Variants in CFAP46 observed in about 807,000 individuals in gnomAD.
CFAP46 encodes the protein cilia- and flagella-associated protein 46.
Under a neutral mutation model 325.7 loss-of-function variants are expected in CFAP46, and 245 were observed. The observed-to-expected ratio is 0.75, with a 90% CI of 0.68 to 0.84. The LOEUF is 0.84. Ranked by LOEUF, CFAP46 falls within the 40% of genes least tolerant of loss-of-function variation. CFAP46 has a pLI of 0.00. For missense variants in CFAP46, 3,346 were observed against 3,543.0 expected, an observed-to-expected ratio of 0.94 and a Z score of 1.41; for synonymous variants, 1,523 against 1,495.9, an observed-to-expected ratio of 1.02 and a Z score of -0.42.
chr10:132,931,980 A>G (rs1201856600), intron 8 of CFAP46, among the ~76,000 whole-genome samples: 1 of 138,976 alleles, frequency 7.2e-6, no homozygotes, highest in Non-Finnish European at 1.5e-5. Flanking sequence ...TTGTCGCCAC[A>G]CAGAGCCTGG....
rs983416910 is a variant in CFAP46, at chr10:132,836,977, T to C, written c.6439-63A>G. 8 of 1,250,462 alleles carry C rather than the reference T, an allele frequency of 6.4e-6. No individual in the cohort carries two copies. The Admixed American group carries it at 6.8e-5, about 11-fold the overall frequency. The allele number at this position is 1,250,462 out of a possible 1,614,324, so 77.5% of individuals were successfully genotyped here. A position where few individuals can be genotyped will look rare whatever the true frequency, so the allele number is the denominator to read the frequency against. On this transcript the variant is annotated intron_variant, in intron 44 of 57. Coordinates refer to ENST00000368586, the MANE Select transcript of CFAP46 (RefSeq NM_001200049.3). ...GGACGCAAGGACGTCGCTGTGCTGT[T>C]CCCCTCATTTCCAGGAGACCTCGTG... is the stretch of plus-strand genomic sequence containing the variant.
In CFAP46 at chr10:132,808,578, G is replaced by C. The variant is rs140070146; in HGVS notation, c.7991C>G (p.Ser2664Trp). Residue 2664 changes from serine (S) to tryptophan (W), a missense_variant, in exon 58 of 58, where the codon TCG becomes TGG. Transcript: ENST00000368586. This position sits in a 1 kb window ranked among gnomAD's most constrained non-coding sequence, Gnocchi z 6.8. ...ATSRKAAAWTSSSACLCAPWG... is the reference protein window; with the variant it reads ...ATSRKAAAWTWSSACLCAPWG... ...TGGCGCACACAGGCAGGCAGAGCTC[G>C]AGGTCCAGGCGGCTGCCTTGCGGGA... The C allele has an allele frequency of 1.1e-5, 17 of 1,612,696 alleles. No homozygotes were observed. Among genetic ancestry groups the C allele is most frequent in the East Asian group, 6.7e-5 (3 of 44,888 alleles).
At chr10:132,868,782 C>T (rs968558183) in intron 33 of CFAP46, among the ~76,000 whole-genome samples, 5 of 152,170 alleles carry the variant, frequency 3.3e-5, no homozygotes, top group African/African-American at 7.2e-5. Flanking sequence ...AAAACAGAAC[C>T]GTATACAATC....
intron 54 of CFAP46, among the ~76,000 whole-genome samples, chr10:132,813,230 C>G (rs1847617476): frequency 1.3e-5 from 2 of 152,054 alleles, no homozygotes; most frequent in Admixed American, 1.3e-4. Context: ...CCCCAGTACT[C>G]CAGGCATGGG....
rs1182720380 is a variant in CFAP46, at chr10:132,857,708, A to G, written c.5456T>C (p.Val1819Ala). The change falls in exon 39 of 58, where the codon GTA becomes GCA. Residue 1819 changes from valine to alanine, a missense_variant. Physicochemically the swap from Val to Ala is moderately conservative, Grantham distance 64. Transcript: ENST00000368586. ...LEAYGLAQGA[V>A]AEEEGRLHSI... ...GTGAAGCCTCCCTTCTTCCTCAGCTACGGCACCCTGGGCCAGGCCATACGC... is the reference window on the plus strand; with the variant it reads ...GTGAAGCCTCCCTTCTTCCTCAGCTGCGGCACCCTGGGCCAGGCCATACGC... 1 of 1,612,978 alleles carries G rather than the reference A, an allele frequency of 6.2e-7. No individual in the cohort carries two copies.
intron 8 of CFAP46, 138 bp from the exon 9 acceptor site, chr10:132,929,942 T>A: frequency 1.5e-6 from 1 of 669,558 alleles, no homozygotes; most frequent in Non-Finnish European, 2.5e-6. Context: ...TTAAGTTAAT[T>A]AGAACAGAAG....
chr10:132,917,327 A>C (rs1849655725), intron 16 of CFAP46, among the ~76,000 whole-genome samples: 1 of 152,228 alleles, frequency 6.6e-6, no homozygotes, highest in East Asian at 1.9e-4. Context: ...CTCTGAAGTC[A>C]CACAATGTCA....
intron 50 of CFAP46, among the ~76,000 whole-genome samples, chr10:132,818,560 G>A (rs1306260520): frequency 1.3e-5 from 2 of 151,968 alleles, no homozygotes; most frequent in African/African-American, 4.8e-5. Flanking sequence ...GGGAAAGAAA[G>A]AGAAATAACA....
At chr10:132,941,772 C>G (rs1386006637) in intron 2 of CFAP46, 50 bp from the exon 3 acceptor site, 6 of 1,609,846 alleles carry the variant, frequency 3.7e-6, no homozygotes, top group Non-Finnish European at 5.1e-6. Flanking sequence ...GGGGTGGCCT[C>G]CCTGCCCAGA....
intron 9 of CFAP46, among the ~76,000 whole-genome samples, chr10:132,927,907 AC>A (rs1849836195): frequency 3.3e-5 from 5 of 152,244 alleles, no homozygotes; most frequent in Non-Finnish European, 7.3e-5. Flanking sequence ...TAGAATGTTT[AC>A]CTAGAGAAGG....
Position 132,886,901 on chromosome 10 carries a change from C to T in CFAP46, c.3305-942G>A, listed in dbSNP as rs1849140195. 6.6e-6 allele frequency among the ~76,000 whole-genome samples: 1 copy of T among 152,062 alleles called. No individual in the cohort carries two copies. The highest frequency in any genetic ancestry group is 2.4e-5 in the African/African-American group (1 of 41,350). On this transcript the variant is annotated intron_variant, in intron 25 of 57. Transcript: ENST00000368586. The surrounding 1 kb of genome is among the most constrained non-coding windows in gnomAD (Gnocchi z 5.8). Reference sequence around the variant, plus strand: ...GTCCCCTCCCCGTCATGGGCGCTGCCCAGCCCAGCCTGCACACCCTTCCCC... The same window carrying T: ...GTCCCCTCCCCGTCATGGGCGCTGCTCAGCCCAGCCTGCACACCCTTCCCC...
At position 132,922,571 on chromosome 10, in the gene CFAP46, A is replaced by G; in HGVS notation, c.1394T>C (p.Ile465Thr). Reference protein sequence around the residue: ...LDSLGLYRDRIQMASTRLRLC... With the variant: ...LDSLGLYRDRTQMASTRLRLC... The stretch of plus-strand genomic sequence containing the variant: ...ACGCAGCCGGGTGGAGGCCATCTGG[A>G]TCCTGTCCCGGTAGAGGCCCAGGCT... Residue 465 changes from isoleucine (I) to threonine (T), a missense_variant, in exon 12 of 58, where the codon ATC becomes ACC. Coordinates refer to ENST00000368586, the MANE Select transcript of CFAP46 (RefSeq NM_001200049.3). 1.3e-6 allele frequency: 2 copies of G among 1,548,622 alleles called. No homozygotes were observed. The highest frequency in any genetic ancestry group is 1.7e-6 in the Non-Finnish European group (2 of 1,146,772).
intron 22 of CFAP46, among the ~76,000 whole-genome samples, chr10:132,900,429 C>T (rs894680572): frequency 7.2e-5 from 11 of 152,272 alleles, no homozygotes; most frequent in Admixed American, 2.6e-4. Flanking sequence ...TGGGGGAGCA[C>T]GCCCTTGCGG....
At chr10:132,824,436 C>T (rs1257779639) in intron 50 of CFAP46, among the ~76,000 whole-genome samples, 4 of 102,084 alleles carry the variant, frequency 3.9e-5, no homozygotes, top group African/African-American at 1.1e-4. Flanking sequence ...CTGATGTGTG[C>T]TGTGTGCTGA....
chr10:132,924,920 T>C, intron 10 of CFAP46, 34 bp from the exon 11 acceptor site: 2 of 1,359,126 alleles, frequency 1.5e-6, no homozygotes, highest in African/African-American at 1.6e-5. Flanking sequence ...CTAGGGAGGT[T>C]GCTGGCTCGA....
rs1848705142 is a variant in CFAP46, at chr10:132,860,467, T to G, written c.5148A>C (p.Arg1716Ser). Residue 1716 changes from arginine to serine, a missense_variant, in exon 37 of 58, where the codon AGA becomes AGC. Physicochemically the swap from Arg to Ser is moderately radical, Grantham distance 110 (BLOSUM62 -1). Transcript: ENST00000368586. Reference protein sequence around the residue: ...INAFKILKKERPNRLPLLEFM... With the variant: ...INAFKILKKESPNRLPLLEFM... ...ATTCCAGTAAAGGCAATCGGTTTGG[T>G]CTTTCTTTCTTGAGGATCTTGAAGG... 6.4e-7 allele frequency: 1 copy of G among 1,551,140 alleles called. No individual in the cohort carries two copies. The highest frequency in any genetic ancestry group is 8.7e-7 in the Non-Finnish European group (1 of 1,147,126).
At chr10:132,906,334 C>G (rs1412120030) in intron 22 of CFAP46, among the ~76,000 whole-genome samples, 7 of 152,276 alleles carry the variant, frequency 4.6e-5, no homozygotes, top group Non-Finnish European at 1.0e-4. Context: ...TCAGTCCCAG[C>G]TCTGCCACTC....
intron 38 of CFAP46, among the ~76,000 whole-genome samples, chr10:132,858,280 G>A (rs1759421812): frequency 6.7e-6 from 1 of 148,838 alleles, no homozygotes; most frequent in Non-Finnish European, 1.5e-5. Context: ...TTTGCTGGGG[G>A]CGGCCCCAGG....
chr10:132,937,437 T>G (rs1395829675), intron 6 of CFAP46, 115 bp downstream of exon 6: 1 of 1,213,190 alleles, frequency 8.2e-7, no homozygotes, highest in East Asian at 2.4e-5. Flanking sequence ...CATGTATGTA[T>G]GCATATAGAT....
Sources: gnomAD v4.1 joint callset for allele counts (sites outside exome capture counted in the v4.1 genomes callset) on GRCh38, gnomAD v4.1.1 for gene constraint, Gnocchi (gnomAD v3.1) non-coding constraint, MANE v1.5 for transcripts, NCBI Gene and HGNC (gene_info 2026-07-23, HGNC 2026-07-21) for gene names.